The following IDE variants were observed in gnomAD, a reference collection of about 807,000 sequenced individuals.
IDE encodes insulin degrading enzyme, also known as insulin-degrading enzyme.
In IDE, 58 loss-of-function variants were observed where a neutral mutation model predicts 133.2. That is an observed-to-expected ratio of 0.44 (90% CI 0.35 to 0.54). IDE has a LOEUF of 0.54. IDE is among the 20% of genes least tolerant of loss of function. The pLI is 0.00. For missense variants in IDE, 981 were observed against 1,234.0 expected (o/e 0.79, Z 3.07); for synonymous variants, 396 against 421.3 (o/e 0.94, Z 0.73).
At chr10:92,483,998 A>G (rs1028588823) in intron 13 of IDE, among the ~76,000 whole-genome samples, 10 of 152,204 alleles carry the variant, frequency 6.6e-5, no homozygotes, top group Admixed American at 3.3e-4. Context: ...AGAATTCTCC[A>G]GCCCTGGCTG....
chr10:92,523,870 C>T (rs1344468269), intron 4 of IDE, among the ~76,000 whole-genome samples: 1 of 151,984 alleles, frequency 6.6e-6, no homozygotes, highest in Non-Finnish European at 1.5e-5. Context: ...GCTGAATAAA[C>T]CCAGTTGCTC....
intron 1 of IDE, among the ~76,000 whole-genome samples, chr10:92,557,069 A>C (rs1392076431): frequency 6.6e-6 from 1 of 152,204 alleles, no homozygotes; most frequent in African/African-American, 2.4e-5. Context: ...ATCCCACCTA[A>C]GCCTCCTTTT....
intron 5 of IDE, among the ~76,000 whole-genome samples, chr10:92,513,087 G>A (rs951600073): frequency 1.3e-5 from 2 of 152,202 alleles, no homozygotes; most frequent in African/African-American, 2.4e-5. Flanking sequence ...ACTGTAGAAT[G>A]TGAGTTCTTA....
At chr10:92,463,401 A>G (rs749613194) in intron 21 of IDE, among the ~76,000 whole-genome samples, 3 of 152,168 alleles carry the variant, frequency 2.0e-5, no homozygotes, top group Non-Finnish European at 4.4e-5. Context: ...TTTTTTTAGT[A>G]TTATGGGAAA....
chr10:92,572,670 C>T (rs1843840635), intron 1 of IDE, among the ~76,000 whole-genome samples: 1 of 152,172 alleles, frequency 6.6e-6, no homozygotes. Flanking sequence ...CCAGCATTAC[C>T]CTACTGTTAT....
chr10:92,483,622 T>C (rs1029236702), intron 13 of IDE, among the ~76,000 whole-genome samples: 104 of 152,272 alleles, frequency 6.8e-4, no homozygotes, highest in African/African-American at 2.4e-3. Context: ...CAATACCAAC[T>C]GTCCTGTCTT....
chr10:92,515,865 G>T (rs1848892303), intron 4 of IDE, among the ~76,000 whole-genome samples: 2 of 149,264 alleles, frequency 1.3e-5, no homozygotes, highest in South Asian at 4.2e-4. Context: ...CGGCCTAAAA[G>T]TGTCTTATAA....
At chr10:92,524,445 T>TAATA (rs369893619) in intron 4 of IDE, among the ~76,000 whole-genome samples, 1,933 of 13,198 alleles carry the variant, frequency 0.15, 479 homozygotes, top group Non-Finnish European at 0.22. Flanking sequence ...ATATAATATA[T>TAATA]TTTATATATT....
Position 92,504,827 on chromosome 10 carries a change from A to G in IDE, c.1397T>C (p.Met466Thr). The G allele has an allele frequency of 6.3e-7, 1 of 1,596,930 alleles. No homozygotes were observed. The highest frequency in any genetic ancestry group is 1.7e-5 in the Admixed American group (1 of 59,008). Residue 466 changes from methionine to threonine, a missense_variant, in exon 11 of 25, where the codon ATG (methionine) becomes ACG (threonine). Transcript: ENST00000265986. ...LEEFRPDLIE[M>T]VLDKLRPENV... is the part of the protein sequence containing the mutation. ...TTCTGGTCTGAGTTTATCGAGAACC[A>G]TCTCTATTAAGTCAGGTCTAAATTC...
At chr10:92,524,509 T>A (rs12359894) in intron 4 of IDE, among the ~76,000 whole-genome samples, 3 of 78,548 alleles carry the variant, frequency 3.8e-5, no homozygotes, top group Non-Finnish European at 4.7e-5. Flanking sequence ...TTTTATATAA[T>A]ATATAATATA....
chr10:92,567,451 C>T (rs1843608951), intron 1 of IDE, among the ~76,000 whole-genome samples: 1 of 152,200 alleles, frequency 6.6e-6, no homozygotes, highest in African/African-American at 2.4e-5. Context: ...CTTTCCTTGT[C>T]ATTTGTACTA....
intron 1 of IDE, among the ~76,000 whole-genome samples, chr10:92,555,957 A>T (rs956372968): frequency 1.3e-5 from 2 of 151,634 alleles, no homozygotes; most frequent in East Asian, 2.0e-4. Context: ...GTGGATCACG[A>T]GGTCAGGAGA....
At position 92,471,640 on chromosome 10, in the gene IDE, T is replaced by A. The variant is rs552219235; in HGVS notation, c.2117-1295A>T. Reference sequence around the variant, plus strand: ...CTTGTCTCTCTCTATTAAAATGATCTACTTACATTTATGCTTCACCACCAG... The same window carrying A: ...CTTGTCTCTCTCTATTAAAATGATCAACTTACATTTATGCTTCACCACCAG... On this transcript the variant is annotated intron_variant, in intron 17 of 24. Coordinates refer to ENST00000265986, the MANE Select transcript of IDE (RefSeq NM_004969.4). Among the ~76,000 whole-genome samples the A allele has an allele frequency of 5.1e-4, 77 of 152,300 alleles. 1 individual carries two copies. The South Asian group carries it at 6.0e-3, about 12-fold the overall frequency.
intron 4 of IDE, among the ~76,000 whole-genome samples, chr10:92,525,883 G>A (rs963459312): frequency 5.3e-5 from 8 of 151,858 alleles, no homozygotes; most frequent in African/African-American, 1.7e-4. Context: ...CAGGCTGGGC[G>A]CAGTGGCTCA....
rs1844806742 is a variant in IDE, at chr10:92,452,718, A to G, written c.*1726T>C. On this transcript the variant is annotated 3_prime_UTR_variant, in exon 25 of 25. Transcript: ENST00000265986. ...ATAAAAGGTAGGTGGATTTTTATTT[A>G]CTAGTACAGTGGTGGATCGGAACAC... is the stretch of plus-strand genomic sequence containing the variant. 1 of 152,218 alleles carries G rather than the reference A, an allele frequency of 6.6e-6. No individual in the cohort carries two copies. The highest frequency in any genetic ancestry group is 1.5e-5 in the Non-Finnish European group (1 of 68,044). The allele number at this position is 152,218 out of a possible 1,614,324, so 9.4% of individuals were successfully genotyped here.
In IDE at chr10:92,531,886, C is replaced by A; in HGVS notation, c.523G>T (p.Asp175Tyr). The change falls in exon 4 of 25, where the codon GAT becomes TAT. Residue 175 changes from aspartate (D) to tyrosine (Y), a missense_variant. Physicochemically the swap from Asp to Tyr is radical, Grantham distance 160. Around this residue, in one of 2 missense-constraint regions of IDE, gnomAD observed 321 missense variants for 339.3 expected, o/e 0.95. Coordinates refer to ENST00000265986, the MANE Select transcript of IDE (RefSeq NM_004969.4). ...ACCTCTCTGTCTTTGCAACTTTCATCGAACAAGGGGCACAGAAAAAACTGT... is the reference window on the plus strand; with the variant it reads ...ACCTCTCTGTCTTTGCAACTTTCATAGAACAAGGGGCACAGAAAAAACTGT... ...FAQFFLCPLF[D>Y]ESCKDREVNA... The A allele has an allele frequency of 1.9e-6, 3 of 1,562,862 alleles. No individual in the cohort carries two copies. Among genetic ancestry groups the A allele is most frequent in the South Asian group, 2.4e-5 (2 of 82,744 alleles).
At chr10:92,477,514 G>A (rs1389554569) in intron 15 of IDE, among the ~76,000 whole-genome samples, 1 of 152,212 alleles carries the variant, frequency 6.6e-6, no homozygotes, top group Non-Finnish European at 1.5e-5. Flanking sequence ...GTGGGGAATG[G>A]AGAATTTCTA....
At chr10:92,529,701 C>T (rs1849813683) in intron 4 of IDE, among the ~76,000 whole-genome samples, 1 of 151,608 alleles carries the variant, frequency 6.6e-6, no homozygotes, top group African/African-American at 2.4e-5. Flanking sequence ...ATAGTGAGAC[C>T]CCACCTCTAC....
chr10:92,470,974 T>C (rs1706490072), intron 17 of IDE, among the ~76,000 whole-genome samples: 2 of 152,256 alleles, frequency 1.3e-5, no homozygotes. Context: ...AACTCATATG[T>C]GCTCTATATG....
Sources: gnomAD v4.1 joint callset for allele counts (sites outside exome capture counted in the v4.1 genomes callset) on GRCh38, gnomAD v4.1.1 for gene constraint, gnomAD v4.1.1 regional missense constraint, MANE v1.5 for transcripts, NCBI Gene and HGNC (gene_info 2026-07-23, HGNC 2026-07-21) for gene names.